Variants in PAPOLA observed in about 807,000 individuals in gnomAD.
PAPOLA encodes poly(A) polymerase alpha.
Under a neutral mutation model 100.6 loss-of-function variants are expected in PAPOLA, and 15 were observed. That is an observed-to-expected ratio of 0.15 (90% CI 0.10 to 0.23). PAPOLA has a LOEUF of 0.23. PAPOLA is among the 10% of genes least tolerant of loss of function. PAPOLA has a pLI of 1.00. For missense variants in PAPOLA, 533 were observed against 884.2 expected (o/e 0.60, Z 5.04); for synonymous variants, 293 against 300.0 (o/e 0.98, Z 0.24).
chr14:96,520,155 G>A lies in PAPOLA; in HGVS notation c.109G>A (p.Val37Ile), dbSNP rs748090763. Residue 37 changes from valine to isoleucine, a missense_variant, in exon 2 of 22, where the codon GTA becomes ATA. Physicochemically the swap from Val to Ile is conservative, Grantham distance 29. Coordinates refer to ENST00000216277, the MANE Select transcript of PAPOLA (RefSeq NM_032632.5). ...AGCAGCCCCCAAGGAGACTGACTGC[G>A]TACTTACACAGAAACTAATTGAGAC... is the stretch of plus-strand genomic sequence containing the variant. ...SLAAPKETDC[V>I]LTQKLIETLK... 3.3e-5 allele frequency: 53 copies of A among 1,613,820 alleles called. No homozygotes were observed. The highest frequency in any genetic ancestry group is 4.5e-5 in the East Asian group (2 of 44,880).
chr14:96,555,844 TAGCA>T lies in PAPOLA; in HGVS notation c.1665-2_1666del. The stretch of plus-strand genomic sequence containing the variant: ...AGACAATTTTTAATTTTTTTTTTTT[TAGCA>T]GAAACAGTCCTGCTCCAGCTGTAAC... On this transcript the variant is annotated splice_acceptor_variant and coding_sequence_variant, in exon 18 of 22. Coordinates refer to ENST00000216277, the MANE Select transcript of PAPOLA (RefSeq NM_032632.5). LOFTEE classifies it high-confidence loss of function. 1 of 1,452,676 alleles carries T rather than the reference TAGCA, an allele frequency of 6.9e-7. No homozygotes were observed. The highest frequency in any genetic ancestry group is 9.3e-7 in the Non-Finnish European group (1 of 1,076,934). The allele number at this position is 1,452,676 out of a possible 1,614,324, so 90.0% of individuals were successfully genotyped here. A position where few individuals can be genotyped will look rare whatever the true frequency, so the allele number is the denominator to read the frequency against.
In PAPOLA at chr14:96,504,095, G is replaced by A. The variant is rs376749374; in HGVS notation, c.8+1495G>A. Among the ~76,000 whole-genome samples the A allele has an allele frequency of 1.4e-3, 218 of 152,268 alleles. 1 individual carries two copies. Among genetic ancestry groups the A allele is most frequent in the African/African-American group, 5.0e-3 (206 of 41,538 alleles). On this transcript the variant is annotated intron_variant, in intron 1 of 21. Coordinates refer to ENST00000216277, the MANE Select transcript of PAPOLA (RefSeq NM_032632.5). ...AGAACTGAGTCTAAGCAAGATTGTT[G>A]TGGTGTTTCTCAGTTCAATAGGAGA...
chr14:96,512,764 G>A (rs971348262), intron 1 of PAPOLA, among the ~76,000 whole-genome samples: 1 of 152,194 alleles, frequency 6.6e-6, no homozygotes, highest in Non-Finnish European at 1.5e-5. Flanking sequence ...GGATATTTAG[G>A]TGGTTTCCAG....
intron 12 of PAPOLA, among the ~76,000 whole-genome samples, chr14:96,539,166 T>TA (rs1445931987): frequency 4.6e-5 from 7 of 150,646 alleles, no homozygotes; most frequent in African/African-American, 1.0e-4. Context: ...TGTGAATACT[T>TA]ACTTCAGTTG....
intron 3 of PAPOLA, among the ~76,000 whole-genome samples, chr14:96,524,855 A>G (rs1306988656): frequency 1.3e-5 from 2 of 152,218 alleles, no homozygotes; most frequent in Non-Finnish European, 2.9e-5. Context: ...ATATGATAAA[A>G]AAAATACTCT....
Position 96,531,890 on chromosome 14 carries a change from A to G in PAPOLA, c.607+304A>G, listed in dbSNP as rs1052738178. 8 of 1,363,456 alleles carry G rather than the reference A, an allele frequency of 5.9e-6. No homozygotes were observed. In the African/African-American group the frequency reaches 9.0e-5, roughly 15 times the overall value. 84.5% of individuals were successfully genotyped at this position (1,363,456 alleles called of 1,614,324 possible). On this transcript the variant is annotated intron_variant, in intron 7 of 21. Coordinates refer to ENST00000216277, the MANE Select transcript of PAPOLA (RefSeq NM_032632.5). ...CATGGCCTAACCCAAATTAATTTTG[A>G]TCCTGTTATTCTTTAGTAATGCTTT...
intron 1 of PAPOLA, among the ~76,000 whole-genome samples, chr14:96,505,910 C>G (rs1896680831): frequency 6.6e-6 from 1 of 152,090 alleles, no homozygotes; most frequent in Non-Finnish European, 1.5e-5. Flanking sequence ...TCCTTCCTTG[C>G]TTCCTTCCGT....
At chr14:96,526,884 T>C (rs1003920766) in intron 4 of PAPOLA, 2 of 152,524 alleles carry the variant, frequency 1.3e-5, no homozygotes, top group African/African-American at 2.4e-5. Flanking sequence ...ATGACCCCAA[T>C]TGATTTTAAT....
At chr14:96,515,664 G>A (rs561072792) in intron 1 of PAPOLA, among the ~76,000 whole-genome samples, 3 of 152,146 alleles carry the variant, frequency 2.0e-5, no homozygotes, top group Non-Finnish European at 4.4e-5. Flanking sequence ...TAATTATGTT[G>A]GTGAGACGAA....
intron 17 of PAPOLA, 78 bp from the exon 18 acceptor site, chr14:96,555,769 T>C: frequency 4.4e-6 from 3 of 677,896 alleles, no homozygotes; most frequent in Non-Finnish European, 7.3e-6. Flanking sequence ...TTTCTATATA[T>C]GTTATAGATT....
At chr14:96,503,229 C>T (rs1320648063) in intron 1 of PAPOLA, among the ~76,000 whole-genome samples, 1 of 152,236 alleles carries the variant, frequency 6.6e-6, no homozygotes, top group Non-Finnish European at 1.5e-5. Flanking sequence ...CACAGGCGGT[C>T]GGAGAAGGGG....
chr14:96,525,245 A>T, intron 3 of PAPOLA, 65 bp from the exon 4 acceptor site: 1 of 763,858 alleles, frequency 1.3e-6, no homozygotes, highest in Non-Finnish European at 2.4e-6. Flanking sequence ...TCACCCCAGT[A>T]TAGTATCATT....
chr14:96,558,895 A>G (rs1901576741), intron 19 of PAPOLA, among the ~76,000 whole-genome samples: 1 of 152,114 alleles, frequency 6.6e-6, no homozygotes, highest in South Asian at 2.1e-4. Flanking sequence ...TTTTTAAAAA[A>G]TAGGCTGTTT....
chr14:96,565,059 T>C lies in PAPOLA; in HGVS notation c.*9T>C, dbSNP rs755227140. ...TGAGATTGAATCGGTAAAAACAACC[T>C]CAGGGGTCCATAAACAATATCTGCC... On this transcript the variant is annotated 3_prime_UTR_variant, in exon 22 of 22. Coordinates refer to ENST00000216277, the MANE Select transcript of PAPOLA (RefSeq NM_032632.5). 52 of 1,378,880 alleles carry C rather than the reference T, an allele frequency of 3.8e-5. No homozygotes were observed. The highest frequency in any genetic ancestry group is 5.4e-5 in the Non-Finnish European group (52 of 966,162). 85.4% of individuals were successfully genotyped at this position (1,378,880 alleles called of 1,614,324 possible).
At chr14:96,524,308 G>A (rs1169279907) in intron 3 of PAPOLA, among the ~76,000 whole-genome samples, 1 of 152,156 alleles carries the variant, frequency 6.6e-6, no homozygotes, top group Non-Finnish European at 1.5e-5. Context: ...CCAGGGCCAG[G>A]AAGGCAGTTT....
At chr14:96,561,265 C>G (rs1901821417) in intron 20 of PAPOLA, among the ~76,000 whole-genome samples, 1 of 151,916 alleles carries the variant, frequency 6.6e-6, no homozygotes, top group African/African-American at 2.4e-5. Flanking sequence ...ATGTAAAAGA[C>G]TCATTTTTTT....
intron 12 of PAPOLA, chr14:96,537,986 G>A (rs548389808): frequency 3.6e-4 from 54 of 152,018 alleles, no homozygotes; most frequent in African/African-American, 1.3e-3. Context: ...GAAGCACTAC[G>A]TTGTCAGTAA....
rs1900507754 is a variant in PAPOLA, at chr14:96,547,791, GTA to G, written c.1400-3_1400-2del. The G allele has an allele frequency of 6.3e-7, 1 of 1,578,866 alleles. No individual in the cohort carries two copies. ...TATTTCTTGTAACAATTTCCTAATT[GTA>G]TAGTTTATAGGCAAGCAATAAACAG... On this transcript the variant is annotated splice_region_variant and splice_polypyrimidine_tract_variant and intron_variant, in intron 15 of 21. Transcript: ENST00000216277.
intron 6 of PAPOLA, among the ~76,000 whole-genome samples, chr14:96,529,815 C>G (rs1595524730): frequency 6.6e-6 from 1 of 152,182 alleles, no homozygotes; most frequent in Non-Finnish European, 1.5e-5. Context: ...ATCATACCCT[C>G]AGGGATAACT....
Sources: gnomAD v4.1 joint callset for allele counts (sites outside exome capture counted in the v4.1 genomes callset) on GRCh38, gnomAD v4.1.1 for gene constraint, MANE v1.5 for transcripts, NCBI Gene and HGNC (gene_info 2026-07-23, HGNC 2026-07-21) for gene names.